BCAP29: variants seen among roughly 807,000 people sequenced by gnomAD.
BCAP29 encodes the protein B-cell receptor-associated protein 29.
In BCAP29, 34 loss-of-function variants were observed where a neutral mutation model predicts 31.8. The ratio of observed to expected loss-of-function variants is 1.07; its 90% confidence interval spans 0.81 to 1.42. The LOEUF (loss-of-function observed/expected upper bound fraction) is 1.42, where lower values mean the gene tolerates loss of function less well. Among genes scored for constraint, BCAP29 ranks in the 40% most tolerant of loss-of-function variants. The pLI is 0.00. For synonymous variants in BCAP29, 104 were observed against 91.3 expected (o/e 1.14, Z -0.79); for missense variants, 314 against 269.2 (o/e 1.17, Z -1.16).
intron 6 of BCAP29, among the ~76,000 whole-genome samples, chr7:107,611,351 G>A (rs1258286480): frequency 1.3e-5 from 2 of 152,090 alleles, no homozygotes; most frequent in East Asian, 3.9e-4. Context: ...AGAATTGCTT[G>A]AGCCCAGGAG....
At chr7:107,612,383 G>T (rs1813273480) in intron 6 of BCAP29, among the ~76,000 whole-genome samples, 1 of 103,554 alleles carries the variant, frequency 9.7e-6, no homozygotes, top group African/African-American at 3.9e-5. Context: ...TCTTCACAAT[G>T]TATTGTTTTA....
rs532271163 is a variant in BCAP29 at position 107,620,224 on chromosome 7, A to T, written c.*1861A>T. 1.2e-4 allele frequency: 19 copies of T among 152,234 alleles called. No homozygotes were observed. The highest frequency in any genetic ancestry group is 2.6e-4 in the Non-Finnish European group (18 of 68,050). The allele number at this position is 152,234 out of a possible 1,614,324, so 9.4% of individuals were successfully genotyped here. A position where few individuals can be genotyped will look rare whatever the true frequency, so the allele number is the denominator to read the frequency against. On this transcript the variant is annotated 3_prime_UTR_variant, in exon 8 of 8. Transcript: ENST00000005259. ...AACATTGATAGTTAGATTCAGGGCCAGGCTGTAAGTCTAGAATTTAGATAT... is the reference window on the plus strand; with the variant it reads ...AACATTGATAGTTAGATTCAGGGCCTGGCTGTAAGTCTAGAATTTAGATAT...
intron 4 of BCAP29, 193 bp downstream of exon 4, chr7:107,594,298 G>C (rs553622201): frequency 7.2e-6 from 4 of 552,308 alleles, no homozygotes; most frequent in Non-Finnish European, 1.3e-5. Context: ...AAGTGATCCT[G>C]CCTCTTCAAC....
chr7:107,585,906 G>A (rs1478564102), intron 3 of BCAP29, among the ~76,000 whole-genome samples: 7 of 152,088 alleles, frequency 4.6e-5, no homozygotes, highest in Non-Finnish European at 7.4e-5. Flanking sequence ...CAGGAGAATT[G>A]TTTGCACCCG....
chr7:107,588,742 A>C (rs148056391), intron 3 of BCAP29, among the ~76,000 whole-genome samples: 101 of 152,338 alleles, frequency 6.6e-4, no homozygotes, highest in Non-Finnish European at 1.1e-3. Context: ...GAGGTCAGAT[A>C]GATTCAAAAA....
chr7:107,596,540 AAC>A (rs1291195919), intron 5 of BCAP29, among the ~76,000 whole-genome samples: 1 of 152,192 alleles, frequency 6.6e-6, no homozygotes, highest in Non-Finnish European at 1.5e-5. Flanking sequence ...CAAAAATAAA[AAC>A]ACAGTCATTA....
Position 107,619,214 on chromosome 7 carries a change from A to G in BCAP29, c.*851A>G, listed in dbSNP as rs1048942852. The G allele has an allele frequency of 1.3e-4, 20 of 152,578 alleles. No homozygotes were observed. Among genetic ancestry groups the G allele is most frequent in the African/African-American group, 4.6e-4 (19 of 41,458 alleles). 9.5% of individuals were successfully genotyped at this position (152,578 alleles called of 1,614,324 possible). Reference sequence around the variant, plus strand: ...CCCTTGGTTGTGAGAGTAACTAATTATATAAATATTACCTCAAAAATACAT... The same window carrying G: ...CCCTTGGTTGTGAGAGTAACTAATTGTATAAATATTACCTCAAAAATACAT... On this transcript the variant is annotated 3_prime_UTR_variant, in exon 8 of 8. Transcript: ENST00000005259.
chr7:107,613,825 T>G, intron 7 of BCAP29: 1 of 888,508 alleles, frequency 1.1e-6, no homozygotes, highest in Non-Finnish European at 1.8e-6. Context: ...TCTCAGTGTT[T>G]TAGACATATT....
At chr7:107,600,100 G>C (rs1479082500) in intron 5 of BCAP29, 1 of 346,842 alleles carries the variant, frequency 2.9e-6, no homozygotes, top group African/African-American at 2.1e-5. Flanking sequence ...AATTGAGGAA[G>C]AAAGACTGAC....
rs1208776789 is a variant in BCAP29, at chr7:107,620,080, T to A, written c.*1717T>A. 4 of 152,212 alleles carry A rather than the reference T, an allele frequency of 2.6e-5. No homozygotes were observed. Among genetic ancestry groups the A allele is most frequent in the Non-Finnish European group, 5.9e-5 (4 of 68,036 alleles). 9.4% of individuals were successfully genotyped at this position (152,212 alleles called of 1,614,324 possible). ...TTGCACTTTGAAGAGCTTGAAGATT[T>A]GAAAGATTCCCAAAAAAGCATTTTA... On this transcript the variant is annotated 3_prime_UTR_variant, in exon 8 of 8. Coordinates refer to ENST00000005259, the MANE Select transcript of BCAP29 (RefSeq NM_018844.4).
rs771712834 is a variant in BCAP29, at chr7:107,618,326, A to G, written c.691-2A>G. 2.5e-6 allele frequency: 4 copies of G among 1,570,964 alleles called. No individual in the cohort carries two copies. The highest frequency in any genetic ancestry group is 2.3e-5 in the East Asian group (1 of 44,374). On this transcript the variant is annotated splice_acceptor_variant, in intron 7 of 7. Transcript: ENST00000005259. LOFTEE classifies it high-confidence loss of function. ...ACATAAATCATATTTTTTTCCTTAC[A>G]GGATCGTTTAGAAAGAGGCAACAAG...
intron 6 of BCAP29, among the ~76,000 whole-genome samples, chr7:107,605,000 A>G (rs917326160): frequency 6.6e-5 from 10 of 152,168 alleles, no homozygotes; most frequent in African/African-American, 2.4e-4. Flanking sequence ...TCACATATTG[A>G]TGTTATTGTC....
intron 3 of BCAP29, among the ~76,000 whole-genome samples, chr7:107,584,833 G>A (rs1807345207): frequency 2.0e-5 from 3 of 152,210 alleles, no homozygotes; most frequent in South Asian, 2.1e-4. Flanking sequence ...TACATAGCAG[G>A]GTCAGCAACC....
At chr7:107,616,455 A>G (rs1219368049) in intron 7 of BCAP29, 1 of 152,196 alleles carries the variant, frequency 6.6e-6, no homozygotes, top group Non-Finnish European at 1.5e-5. Context: ...AAGGAAAACA[A>G]AATCTCAGCT....
chr7:107,601,157 G>A (rs1811110818), intron 6 of BCAP29, among the ~76,000 whole-genome samples: 1 of 152,058 alleles, frequency 6.6e-6, no homozygotes, highest in Admixed American at 6.6e-5. Flanking sequence ...TGTTGCATCT[G>A]CACAGCACAG....
At chr7:107,581,960 A>G (rs1806761166) in intron 2 of BCAP29, among the ~76,000 whole-genome samples, 1 of 152,198 alleles carries the variant, frequency 6.6e-6, no homozygotes, top group Non-Finnish European at 1.5e-5. Flanking sequence ...ACGGTTACCT[A>G]GCTGGTAAGT....
At chr7:107,612,410 TATATATATATATATATATATATATATA>T (rs1813325588) in intron 6 of BCAP29, among the ~76,000 whole-genome samples, 3 of 43,280 alleles carry the variant, frequency 6.9e-5, no homozygotes, top group Non-Finnish European at 2.3e-4. Flanking sequence ...TATATATATA[TATATATATATATATATATATATATATA>T]TATTTATTTT....
At chr7:107,603,999 C>T (rs938699254) in intron 6 of BCAP29, among the ~76,000 whole-genome samples, 1 of 152,032 alleles carries the variant, frequency 6.6e-6, no homozygotes. Context: ...AAGTGTGCCT[C>T]TTGAGGATAA....
chr7:107,610,863 TG>T (rs1563140484), intron 6 of BCAP29, among the ~76,000 whole-genome samples: 2 of 152,184 alleles, frequency 1.3e-5, no homozygotes, highest in South Asian at 2.1e-4. Context: ...AAGTATAAAT[TG>T]TTTTTGACAT....
Sources: allele counts gnomAD v4.1 joint callset (sites outside exome capture counted in the v4.1 genomes callset), GRCh38; gene constraint gnomAD v4.1.1; transcripts MANE v1.5; gene names NCBI Gene and HGNC (gene_info 2026-07-23, HGNC 2026-07-21).